Variants in GRM8 observed in about 807,000 individuals in gnomAD.
The protein encoded by GRM8 is metabotropic glutamate receptor 8.
In GRM8, 47 loss-of-function variants were observed where a neutral mutation model predicts 87.2. That is an observed-to-expected ratio of 0.54 (90% confidence interval 0.43 to 0.69). The LOEUF (loss-of-function observed/expected upper bound fraction) is 0.69, where lower values mean the gene tolerates loss of function less well. Among genes scored for constraint, GRM8 ranks in the 30% least tolerant of loss-of-function variants. The pLI is 0.00. For synonymous variants in GRM8, 396 were observed against 404.5 expected (o/e 0.98, Z 0.25); for missense variants, 1,019 against 1,139.2 (o/e 0.89, Z 1.52).
intron 7 of GRM8, among the ~76,000 whole-genome samples, chr7:126,722,115 C>T (rs1180058261): frequency 6.6e-6 from 1 of 152,144 alleles, no homozygotes; most frequent in Non-Finnish European, 1.5e-5. Flanking sequence ...TATTCTTTAA[C>T]TTTCCTCCTG....
intron 9 of GRM8, among the ~76,000 whole-genome samples, chr7:126,476,105 G>A (rs545280026): frequency 2.5e-4 from 38 of 151,932 alleles, no homozygotes; most frequent in African/African-American, 8.9e-4. Context: ...ATAAACAAAC[G>A]GGACTACATC....
At chr7:127,125,664 A>G (rs1235200293) in intron 2 of GRM8, among the ~76,000 whole-genome samples, 1 of 151,834 alleles carries the variant, frequency 6.6e-6, no homozygotes, top group Non-Finnish European at 1.5e-5. Flanking sequence ...AAAAGAAATA[A>G]CAGAGTGAAC....
chr7:126,805,843 A>G (rs779947775), intron 6 of GRM8, among the ~76,000 whole-genome samples: 1 of 152,194 alleles, frequency 6.6e-6, no homozygotes, highest in Non-Finnish European at 1.5e-5. Context: ...GAGCACAGGC[A>G]TGAGTCCTAT....
At chr7:127,202,598 T>C (rs1486251994) in intron 2 of GRM8, among the ~76,000 whole-genome samples, 1 of 152,188 alleles carries the variant, frequency 6.6e-6, no homozygotes, top group East Asian at 1.9e-4. Flanking sequence ...TTCCTAGTTG[T>C]CACAATAATC....
intron 3 of GRM8, among the ~76,000 whole-genome samples, chr7:127,044,746 A>C: frequency 6.6e-6 from 1 of 152,176 alleles, no homozygotes; most frequent in South Asian, 2.1e-4. Context: ...ACATAACAGC[A>C]ATTATAGCAG....
chr7:126,577,292 A>T (rs1472475188), intron 8 of GRM8, among the ~76,000 whole-genome samples: 1 of 152,194 alleles, frequency 6.6e-6, no homozygotes, highest in Non-Finnish European at 1.5e-5. Flanking sequence ...GCCAATTTCC[A>T]ATCTGCAGTT....
chr7:127,077,085 A>G (rs925610624), intron 3 of GRM8, among the ~76,000 whole-genome samples: 1 of 151,844 alleles, frequency 6.6e-6, no homozygotes, highest in African/African-American at 2.4e-5. Context: ...TATTATTTCC[A>G]TATTATTTTC....
At chr7:126,761,074 T>C (rs1032215819) in intron 7 of GRM8, among the ~76,000 whole-genome samples, 1 of 152,194 alleles carries the variant, frequency 6.6e-6, no homozygotes, top group Admixed American at 6.5e-5. Context: ...GGCATGCACC[T>C]GTAGTCCCAG....
intron 6 of GRM8, among the ~76,000 whole-genome samples, chr7:126,809,125 A>G (rs1793053766): frequency 6.6e-6 from 1 of 152,098 alleles, no homozygotes. Context: ...CTCTTCCTCC[A>G]CTTTCAAAAG....
At chr7:126,534,801 A>T (rs1815427590) in intron 8 of GRM8, among the ~76,000 whole-genome samples, 1 of 152,230 alleles carries the variant, frequency 6.6e-6, no homozygotes, top group East Asian at 1.9e-4. Context: ...AAAATTACAG[A>T]TGACGGGAGA....
chr7:127,217,653 T>C (rs1587302359), intron 2 of GRM8, among the ~76,000 whole-genome samples: 1 of 152,214 alleles, frequency 6.6e-6, no homozygotes, highest in Non-Finnish European at 1.5e-5. Context: ...ATGTGGCTCG[T>C]AGGTCTCTCA....
chr7:126,724,736 A>T (rs893714513), intron 7 of GRM8, among the ~76,000 whole-genome samples: 6 of 151,950 alleles, frequency 3.9e-5, no homozygotes, highest in African/African-American at 1.5e-4. Flanking sequence ...GAAAACATGT[A>T]CATATGTATA....
At chr7:127,068,179 G>T (rs1228640662) in intron 3 of GRM8, among the ~76,000 whole-genome samples, 5 of 152,032 alleles carry the variant, frequency 3.3e-5, no homozygotes, top group Admixed American at 6.6e-5. Flanking sequence ...AATCAAAATT[G>T]TAATCATTTA....
intron 6 of GRM8, among the ~76,000 whole-genome samples, chr7:126,837,558 C>T (rs1158620479): frequency 2.6e-5 from 4 of 152,156 alleles, no homozygotes; most frequent in African/African-American, 7.2e-5. Context: ...TGTTGATACA[C>T]GCAATTCTCA....
intron 7 of GRM8, among the ~76,000 whole-genome samples, chr7:126,611,534 G>A (rs1399561293): frequency 6.6e-6 from 1 of 152,194 alleles, no homozygotes; most frequent in Non-Finnish European, 1.5e-5. Flanking sequence ...AAACACGTAT[G>A]TTGAGAATTT....
intron 7 of GRM8, among the ~76,000 whole-genome samples, chr7:126,747,633 A>G (rs1815848281): frequency 6.6e-6 from 1 of 152,028 alleles, no homozygotes; most frequent in African/African-American, 2.4e-5. Context: ...CCTTATTCTC[A>G]TTACTAACAA....
At position 126,904,030 on chromosome 7, in the gene GRM8, C is replaced by T. The variant is rs759201250; in HGVS notation, c.960G>A (p.Gln320=). The change falls in exon 5 of 11, where the codon CAG becomes CAA. Residue 320 remains glutamine, a synonymous_variant. Transcript: ENST00000339582. ...CAGCCCCTTCTGCAATCTCCTCTTG[C>T]TGATAGACAGGTGCTATTTTGGATC... ...SWGSKIAPVY[Q]QEEIAEGAVT... is the part of the protein sequence containing the mutation. 3.8e-6 allele frequency: 6 copies of T among 1,597,036 alleles called. No individual in the cohort carries two copies. Among genetic ancestry groups the T allele is most frequent in the Non-Finnish European group, 5.1e-6 (6 of 1,165,138 alleles).
At chr7:126,817,329 C>A (rs1275522104) in intron 6 of GRM8, among the ~76,000 whole-genome samples, 1 of 152,072 alleles carries the variant, frequency 6.6e-6, no homozygotes, top group Admixed American at 6.6e-5. Flanking sequence ...TCTAAACAAC[C>A]TAGAGTAGGC....
intron 6 of GRM8, among the ~76,000 whole-genome samples, chr7:126,894,240 T>C (rs1801329434): frequency 6.6e-6 from 1 of 152,066 alleles, no homozygotes; most frequent in African/African-American, 2.4e-5. Flanking sequence ...TCTGTATTTT[T>C]CTAAACTTTC....
Sources: gnomAD v4.1 joint callset for allele counts (sites outside exome capture counted in the v4.1 genomes callset) on GRCh38, gnomAD v4.1.1 for gene constraint, MANE v1.5 for transcripts, NCBI Gene and HGNC (gene_info 2026-07-23, HGNC 2026-07-21) for gene names.